SGCZ: variants seen among roughly 807,000 people sequenced by gnomAD.
The protein encoded by SGCZ is zeta-sarcoglycan.
In SGCZ, 40 loss-of-function variants were observed where a neutral mutation model predicts 41.3. The observed-to-expected ratio is 0.97, with a 90% CI of 0.75 to 1.26. The LOEUF (loss-of-function observed/expected upper bound fraction) is 1.26, where lower values mean the gene tolerates loss of function less well. Ranked by LOEUF, SGCZ falls within the 50% of genes most tolerant of loss-of-function variation. The pLI is 0.00. For synonymous variants in SGCZ, 206 were observed against 137.5 expected (o/e 1.50, Z -3.49); for missense variants, 552 against 369.8 (o/e 1.49, Z -4.04).
At chr8:14,616,616 T>C (rs963820351) in intron 1 of SGCZ, among the ~76,000 whole-genome samples, 7 of 152,112 alleles carry the variant, frequency 4.6e-5, no homozygotes, top group Non-Finnish European at 1.0e-4. Context: ...TAAATAAACT[T>C]GGTGAGGGAG....
intron 2 of SGCZ, among the ~76,000 whole-genome samples, chr8:14,406,957 C>T (rs1799227614): frequency 6.6e-6 from 1 of 152,010 alleles, no homozygotes; most frequent in Admixed American, 6.6e-5. Context: ...AGAATTCTTT[C>T]ACGGGTGAAG....
chr8:14,229,777 A>T (rs1409568816), intron 4 of SGCZ, among the ~76,000 whole-genome samples: 5 of 152,100 alleles, frequency 3.3e-5, no homozygotes. Context: ...TGTTCACTGT[A>T]ATTGCTTTAA....
chr8:14,354,453 A>T (rs187899353), intron 2 of SGCZ, among the ~76,000 whole-genome samples: 10 of 152,068 alleles, frequency 6.6e-5, no homozygotes, highest in African/African-American at 2.4e-4. Context: ...GTAAAATACA[A>T]CAAAAATTAG....
chr8:14,121,175 A>G (rs1222525226), intron 5 of SGCZ, among the ~76,000 whole-genome samples: 2 of 152,102 alleles, frequency 1.3e-5, no homozygotes, highest in Non-Finnish European at 2.9e-5. Context: ...TGAATATTGA[A>G]CATAAAATTT....
At chr8:14,258,135 T>C (rs1799529993) in intron 3 of SGCZ, among the ~76,000 whole-genome samples, 1 of 152,206 alleles carries the variant, frequency 6.6e-6, no homozygotes, top group African/African-American at 2.4e-5. Flanking sequence ...ACTTTATGTT[T>C]TGGAAGTATT....
chr8:14,996,767 A>T (rs1802234911), intron 1 of SGCZ, among the ~76,000 whole-genome samples: 1 of 152,340 alleles, frequency 6.6e-6, no homozygotes, highest in South Asian at 2.1e-4. Flanking sequence ...CAGCATTGAC[A>T]TTTGGGCTAA....
chr8:14,219,553 C>A (rs553134366), intron 4 of SGCZ, among the ~76,000 whole-genome samples: 4 of 152,122 alleles, frequency 2.6e-5, no homozygotes, highest in South Asian at 4.1e-4. Flanking sequence ...TCGAGACCAG[C>A]CTGGCCAACA....
chr8:14,322,115 T>C (rs1801936515), intron 3 of SGCZ, among the ~76,000 whole-genome samples: 1 of 152,096 alleles, frequency 6.6e-6, no homozygotes, highest in South Asian at 2.1e-4. Flanking sequence ...TGGAAGGCAG[T>C]CTGGAGATTT....
chr8:14,223,783 T>C (rs1806283012), intron 4 of SGCZ, among the ~76,000 whole-genome samples: 1 of 152,196 alleles, frequency 6.6e-6, no homozygotes, highest in South Asian at 2.1e-4. Context: ...TGGATAATCA[T>C]TCACACCATC....
chr8:14,551,561 A>AAAATATATATAT (rs1803851200), intron 2 of SGCZ, among the ~76,000 whole-genome samples: 1 of 17,908 alleles, frequency 5.6e-5, no homozygotes, highest in Non-Finnish European at 8.4e-5. Flanking sequence ...AATATATATT[A>AAAATATATATAT]TATATATAAT....
At chr8:14,167,073 T>C (rs1385499655) in intron 4 of SGCZ, among the ~76,000 whole-genome samples, 1 of 152,086 alleles carries the variant, frequency 6.6e-6, no homozygotes, top group African/African-American at 2.4e-5. Flanking sequence ...AATCAGAAAA[T>C]AATTTTGAAT....
intron 2 of SGCZ, among the ~76,000 whole-genome samples, chr8:14,358,796 A>C (rs1467788512): frequency 6.6e-6 from 1 of 151,964 alleles, no homozygotes; most frequent in African/African-American, 2.4e-5. Context: ...TTTTTAGTAG[A>C]GATGGGGTTT....
intron 2 of SGCZ, among the ~76,000 whole-genome samples, chr8:14,397,867 C>A (rs1011371151): frequency 6.6e-6 from 1 of 152,138 alleles, no homozygotes; most frequent in African/African-American, 2.4e-5. Flanking sequence ...GAGCCATGGA[C>A]ACTTAAGTTT....
chr8:14,572,152 A>T (rs1563123552), intron 1 of SGCZ, among the ~76,000 whole-genome samples: 1 of 152,196 alleles, frequency 6.6e-6, no homozygotes, highest in African/African-American at 2.4e-5. Flanking sequence ...TTCTGCTAAT[A>T]TCTACAGCAT....
intron 3 of SGCZ, among the ~76,000 whole-genome samples, chr8:14,238,799 G>A (rs1451673711): frequency 6.6e-6 from 1 of 152,010 alleles, no homozygotes; most frequent in East Asian, 1.9e-4. Context: ...CCCTCTTGGT[G>A]CTTGCATTGT....
intron 1 of SGCZ, among the ~76,000 whole-genome samples, chr8:14,769,801 A>G (rs1800172567): frequency 6.7e-6 from 1 of 149,458 alleles, no homozygotes; most frequent in South Asian, 2.1e-4. Context: ...ATTAAAAAAA[A>G]AAAAAAAAAA....
At chr8:14,785,204 G>A (rs889968681) in intron 1 of SGCZ, among the ~76,000 whole-genome samples, 6 of 151,298 alleles carry the variant, frequency 4.0e-5, no homozygotes, top group African/African-American at 1.5e-4. Context: ...TTGTTATAAA[G>A]TTCACAAGTA....
chr8:14,542,250 T>A (rs1803492565), intron 2 of SGCZ, among the ~76,000 whole-genome samples: 1 of 152,096 alleles, frequency 6.6e-6, no homozygotes, highest in Admixed American at 6.6e-5. Context: ...TCTTCTAGGG[T>A]TTTTATAGTT....
chr8:14,683,513 C>A (rs887753035), intron 1 of SGCZ, among the ~76,000 whole-genome samples: 2 of 152,052 alleles, frequency 1.3e-5, no homozygotes, highest in Non-Finnish European at 2.9e-5. Context: ...ACTTGAAACA[C>A]ACAATGTAAA....
Sources: allele counts gnomAD v4.1 joint callset (sites outside exome capture counted in the v4.1 genomes callset), GRCh38; gene constraint gnomAD v4.1.1; transcripts MANE v1.5; gene names NCBI Gene and HGNC (gene_info 2026-07-23, HGNC 2026-07-21).